Variants in FAM167B observed in about 807,000 individuals in gnomAD.
FAM167B encodes the protein family with sequence similarity 167 member B.
A neutral mutation model predicts 15.4 loss-of-function variants in FAM167B; 7 were observed. The ratio of observed to expected loss-of-function variants is 0.46; its 90% CI spans 0.26 to 0.86. FAM167B has a LOEUF of 0.86. FAM167B is among the 40% of genes least tolerant of loss of function. FAM167B has a pLI of 0.17. For synonymous variants in FAM167B, 100 were observed against 94.6 expected (o/e 1.06, Z -0.33); for missense variants, 207 against 208.3 (o/e 0.99, Z 0.04).
chr1:32,247,635 G>A lies in FAM167B; in HGVS notation c.214G>A (p.Gly72Ser), dbSNP rs1342816879. The change falls in exon 1 of 2, where the codon GGT becomes AGT. Residue 72 changes from glycine (G) to serine (S), a missense_variant. By Grantham distance (56) the Gly-to-Ser change is moderately conservative. Coordinates refer to ENST00000373582, the MANE Select transcript of FAM167B (RefSeq NM_032648.3). ...ACCAGGGGGACCTGGGGACATCTGTGGTTTCGACTCAATGGACTCCGCCCT... is the reference window on the plus strand; with the variant it reads ...ACCAGGGGGACCTGGGGACATCTGTAGTTTCGACTCAATGGACTCCGCCCT... ...PGPGGPGDICGFDSMDSALEW... is the reference protein window; with the variant it reads ...PGPGGPGDICSFDSMDSALEW... 1 of 1,504,716 alleles carries A rather than the reference G, an allele frequency of 6.6e-7. No individual in the cohort carries two copies. The highest frequency in any genetic ancestry group is 2.2e-5 in the Admixed American group (1 of 45,004). 93.2% of individuals were successfully genotyped at this position (1,504,716 alleles called of 1,614,324 possible). A position where few individuals can be genotyped will look rare whatever the true frequency, so the allele number is the denominator to read the frequency against.
intron 1 of FAM167B, 53 bp from the exon 2 acceptor site, chr1:32,248,318 C>G (rs1016941532): frequency 5.5e-6 from 8 of 1,448,474 alleles, no homozygotes; most frequent in African/African-American, 4.2e-5. Flanking sequence ...AAGGGAGAAA[C>G]GGCGCGCGGC....
chr1:32,247,436 A>T lies in FAM167B; in HGVS notation c.15A>T (p.Leu5=), dbSNP rs1295588772. The change falls in exon 1 of 2, where the codon CTA becomes CTT. Residue 5 remains leucine, a synonymous_variant. Coordinates refer to ENST00000373582, the MANE Select transcript of FAM167B (RefSeq NM_032648.3). ...TCAAACCTGCCATGTCCCTGGGGCT[A>T]CTGAAATTCCAGGCAGTGGGTGAAG... MSLG[L]LKFQAVGEED... 1 of 1,557,280 alleles carries T rather than the reference A, an allele frequency of 6.4e-7. No individual in the cohort carries two copies. Among genetic ancestry groups the T allele is most frequent in the Non-Finnish European group, 8.7e-7 (1 of 1,149,884 alleles).
rs1386022444 is a variant in FAM167B, at chr1:32,248,363, G to C, written c.262-8G>C. 6.4e-7 allele frequency: 1 copy of C among 1,555,204 alleles called. No individual in the cohort carries two copies. The highest frequency in any genetic ancestry group is 2.3e-5 in the East Asian group (1 of 42,936). On this transcript the variant is annotated splice_region_variant and splice_polypyrimidine_tract_variant and intron_variant, in intron 1 of 1. Transcript: ENST00000373582. ...GTCCAGTAGGCTCACGCCCCCTCTCGGCCGCAGCGGGAGATGCAGGCGCAG... is the reference window on the plus strand; with the variant it reads ...GTCCAGTAGGCTCACGCCCCCTCTCCGCCGCAGCGGGAGATGCAGGCGCAG...
Position 32,248,685 on chromosome 1 carries a change from C to T in FAM167B, c.*84C>T, listed in dbSNP as rs1447530413. On this transcript the variant is annotated 3_prime_UTR_variant, in exon 2 of 2. Coordinates refer to ENST00000373582, the MANE Select transcript of FAM167B (RefSeq NM_032648.3). ...CCTGGGAAGAGGAAAGGGAGGGGTG[C>T]CCCAGAGGCACCAGCTCCTGGCGGG... The T allele has an allele frequency of 1.7e-5, 21 of 1,218,022 alleles. No individual in the cohort carries two copies. The highest frequency in any genetic ancestry group is 2.3e-5 in the Non-Finnish European group (21 of 897,924). The allele number at this position is 1,218,022 out of a possible 1,614,324, so 75.5% of individuals were successfully genotyped here.
chr1:32,248,293 C>T (rs1183796754), intron 1 of FAM167B, 78 bp from the exon 2 acceptor site: 3 of 1,233,996 alleles, frequency 2.4e-6, no homozygotes, highest in African/African-American at 1.5e-5. Flanking sequence ...AGTGCAAAGG[C>T]CCAGCGTTGC....
In FAM167B at chr1:32,247,239, C is replaced by G; in HGVS notation, c.-183C>G. On this transcript the variant is annotated 5_prime_UTR_variant, in exon 1 of 2. Transcript: ENST00000373582. ...GCCCTTGCATACTTGGCCTCACACA[C>G]CCATCTGCTCACTCACCCTGGCACA... 1.6e-6 allele frequency: 1 copy of G among 634,850 alleles called. No homozygotes were observed. Among genetic ancestry groups the G allele is most frequent in the Non-Finnish European group, 2.4e-6 (1 of 417,518 alleles). 39.3% of individuals were successfully genotyped at this position (634,850 alleles called of 1,614,324 possible).
chr1:32,248,347 G>C, intron 1 of FAM167B, 24 bp from the exon 2 acceptor site: 1 of 1,536,474 alleles, frequency 6.5e-7, no homozygotes, highest in Non-Finnish European at 8.7e-7. Context: ...TGTCCAGTAG[G>C]CTCACGCCCC....
chr1:32,247,803 C>A lies in FAM167B; in HGVS notation c.261+121C>A. 4 of 959,764 alleles carry A rather than the reference C, an allele frequency of 4.2e-6. No homozygotes were observed. In the South Asian group the frequency reaches 1.0e-4, roughly 24 times the overall value. 59.5% of individuals were successfully genotyped at this position (959,764 alleles called of 1,614,324 possible). On this transcript the variant is annotated intron_variant, in intron 1 of 1. Transcript: ENST00000373582. ...CCCTGCCTCCAGCAACCGCCCGCTC[C>A]GGTGTCCTGGGCTGAGGAGCCGGGA...
rs957323057 is a variant in FAM167B, at chr1:32,247,287, G to C, written c.-135G>C. ...ACATTCAGCCCCCCTAACCCACCTT[G>C]AACATTGACCACCACACACTCCCTG... On this transcript the variant is annotated 5_prime_UTR_variant, in exon 1 of 2. Transcript: ENST00000373582. The C allele has an allele frequency of 6.3e-5, 79 of 1,245,478 alleles. No individual in the cohort carries two copies. The highest frequency in any genetic ancestry group is 8.5e-5 in the Non-Finnish European group (79 of 933,368). The allele number at this position is 1,245,478 out of a possible 1,614,324, so 77.2% of individuals were successfully genotyped here.
chr1:32,247,255 C>T lies in FAM167B; in HGVS notation c.-167C>T. The T allele has an allele frequency of 1.2e-6, 1 of 829,154 alleles. No homozygotes were observed. 51.4% of individuals were successfully genotyped at this position (829,154 alleles called of 1,614,324 possible). Reference sequence around the variant, plus strand: ...CCTCACACACCCATCTGCTCACTCACCCTGGCACATTCAGCCCCCCTAACC... The same window carrying T: ...CCTCACACACCCATCTGCTCACTCATCCTGGCACATTCAGCCCCCCTAACC... On this transcript the variant is annotated 5_prime_UTR_variant, in exon 1 of 2. Transcript: ENST00000373582.
In FAM167B at chr1:32,247,333, A is replaced by G. The variant is rs1460192968; in HGVS notation, c.-89A>G. ...CCCTGGCACGCTCTTCTCACCCTCA[A>G]CTTCTGCCACCTCTCCCTGGGCAAT... is the stretch of plus-strand genomic sequence containing the variant. On this transcript the variant is annotated 5_prime_UTR_variant, in exon 1 of 2. Coordinates refer to ENST00000373582, the MANE Select transcript of FAM167B (RefSeq NM_032648.3). 3 of 1,446,654 alleles carry G rather than the reference A, an allele frequency of 2.1e-6. No individual in the cohort carries two copies. The highest frequency in any genetic ancestry group is 2.6e-5 in the Admixed American group (1 of 37,878). 89.6% of individuals were successfully genotyped at this position (1,446,654 alleles called of 1,614,324 possible). A position where few individuals can be genotyped will look rare whatever the true frequency, so the allele number is the denominator to read the frequency against.
At chr1:32,248,035 G>T (rs1001831129) in intron 1 of FAM167B, among the ~76,000 whole-genome samples, 1 of 152,210 alleles carries the variant, frequency 6.6e-6, no homozygotes, top group Admixed American at 6.5e-5. Context: ...GGAGGCACTG[G>T]CCATGCTGCA....
At position 32,247,692 on chromosome 1, in the gene FAM167B, G is replaced by C; in HGVS notation, c.261+10G>C. The C allele has an allele frequency of 6.9e-7, 1 of 1,458,878 alleles. No individual in the cohort carries two copies. Among genetic ancestry groups the C allele is most frequent in the Non-Finnish European group, 9.1e-7 (1 of 1,102,682 alleles). 90.4% of individuals were successfully genotyped at this position (1,458,878 alleles called of 1,614,324 possible). On this transcript the variant is annotated intron_variant, in intron 1 of 1. Transcript: ENST00000373582. ...GCTCCGACGGGAGCTGGTGAGTCTG[G>C]TGGGGTGGGCAGCTTTGCCCAGGGC...
In FAM167B at chr1:32,248,608, C is replaced by T. The variant is rs757271611; in HGVS notation, c.*7C>T. ...GCGCTTCACCCTCTGCTGAGGAACA[C>T]CTGTGCCCCCCGACTCCCCGCCCCC... On this transcript the variant is annotated 3_prime_UTR_variant, in exon 2 of 2. Transcript: ENST00000373582. The T allele has an allele frequency of 1.5e-5, 23 of 1,522,450 alleles. No homozygotes were observed. The highest frequency in any genetic ancestry group is 1.9e-4 in the Middle Eastern group (1 of 5,232). The allele number at this position is 1,522,450 out of a possible 1,614,324, so 94.3% of individuals were successfully genotyped here. A position where few individuals can be genotyped will look rare whatever the true frequency, so the allele number is the denominator to read the frequency against.
Position 32,247,430 on chromosome 1 carries a change from G to T in FAM167B, c.9G>T (p.Leu3=). ...CTCACCTCAAACCTGCCATGTCCCT[G>T]GGGCTACTGAAATTCCAGGCAGTGG... is the stretch of plus-strand genomic sequence containing the variant. MS[L]GLLKFQAVGE... The change falls in exon 1 of 2, where the codon CTG becomes CTT. Residue 3 remains leucine (L), a synonymous_variant. Transcript: ENST00000373582. The T allele has an allele frequency of 6.4e-7, 1 of 1,552,900 alleles. No individual in the cohort carries two copies. The highest frequency in any genetic ancestry group is 1.2e-5 in the South Asian group (1 of 80,752).
In FAM167B at chr1:32,247,540, G is replaced by A. The variant is rs549437991; in HGVS notation, c.119G>A (p.Arg40Gln). 8.7e-6 allele frequency: 14 copies of A among 1,607,320 alleles called. No homozygotes were observed. The East Asian group carries it at 1.1e-4, about 13-fold the overall frequency. The change falls in exon 1 of 2, where the codon CGG (arginine) becomes CAG (glutamine). Residue 40 changes from arginine to glutamine, a missense_variant. By Grantham distance (43) the Arg-to-Gln change is conservative. Transcript: ENST00000373582. The part of the protein sequence containing the change: ...LTAKLQLQTR[R>Q]PSYLEWTAQV... The stretch of plus-strand genomic sequence containing the variant: ...GCCAAGCTGCAGCTGCAGACTCGGC[G>A]GCCCTCATATCTGGAGTGGACAGCC...
At chr1:32,248,293 C>A in intron 1 of FAM167B, 78 bp from the exon 2 acceptor site, 2 of 1,234,112 alleles carry the variant, frequency 1.6e-6, no homozygotes, top group Non-Finnish European at 2.2e-6. Flanking sequence ...AGTGCAAAGG[C>A]CCAGCGTTGC....
Position 32,248,688 on chromosome 1 carries a change from C to T in FAM167B, c.*87C>T, listed in dbSNP as rs977387857. On this transcript the variant is annotated 3_prime_UTR_variant, in exon 2 of 2. Coordinates refer to ENST00000373582, the MANE Select transcript of FAM167B (RefSeq NM_032648.3). ...GGGAAGAGGAAAGGGAGGGGTGCCC[C>T]AGAGGCACCAGCTCCTGGCGGGGGA... The T allele has an allele frequency of 2.7e-5, 31 of 1,162,920 alleles. No homozygotes were observed. Among genetic ancestry groups the T allele is most frequent in the Non-Finnish European group, 3.5e-5 (30 of 848,010 alleles). 72.0% of individuals were successfully genotyped at this position (1,162,920 alleles called of 1,614,324 possible).
Position 32,248,821 on chromosome 1 carries a change from C to G in FAM167B, c.*220C>G, listed in dbSNP as rs1448779823. On this transcript the variant is annotated 3_prime_UTR_variant, in exon 2 of 2. Transcript: ENST00000373582. Reference sequence around the variant, plus strand: ...AGGGGGAGGAGGAGGAGCTCACACCCTCAAACTCCTCAATAAACGCTTTCT... The same window carrying G: ...AGGGGGAGGAGGAGGAGCTCACACCGTCAAACTCCTCAATAAACGCTTTCT... The G allele has an allele frequency of 1.7e-6, 1 of 585,248 alleles. No individual in the cohort carries two copies. Among genetic ancestry groups the G allele is most frequent in the East Asian group, 2.9e-5 (1 of 34,844 alleles). The allele number at this position is 585,248 out of a possible 1,614,324, so 36.3% of individuals were successfully genotyped here. A position where few individuals can be genotyped will look rare whatever the true frequency, so the allele number is the denominator to read the frequency against.
Sources: allele counts gnomAD v4.1 joint callset (sites outside exome capture counted in the v4.1 genomes callset), GRCh38; gene constraint gnomAD v4.1.1; transcripts MANE v1.5; gene names NCBI Gene and HGNC (gene_info 2026-07-23, HGNC 2026-07-21).